Variants in PROSER3 observed in about 807,000 individuals in gnomAD.
PROSER3 encodes proline and serine-rich protein 3.
A neutral mutation model predicts 50.2 loss-of-function variants in PROSER3; 33 were observed. The ratio of observed to expected loss-of-function variants is 0.66; its 90% CI spans 0.50 to 0.88. PROSER3 has a LOEUF of 0.88. Among genes scored for constraint, PROSER3 ranks in the 40% least tolerant of loss-of-function variants. The pLI, the probability that PROSER3 is intolerant of heterozygous loss-of-function variation, is 0.00. For missense variants in PROSER3, 623 were observed against 612.7 expected, an observed-to-expected ratio of 1.02 and a Z score of -0.18; for synonymous variants, 266 against 259.3, an observed-to-expected ratio of 1.03 and a Z score of -0.25.
intron 5 of PROSER3, chr19:35,762,628 A>T: frequency 2.9e-6 from 1 of 347,098 alleles, no homozygotes; most frequent in East Asian, 5.8e-5. Flanking sequence ...TGAGAGCCTG[A>T]GGCTGGAGGA....
intron 5 of PROSER3, among the ~76,000 whole-genome samples, chr19:35,763,247 G>C (rs1270549986): frequency 6.6e-6 from 1 of 151,498 alleles, no homozygotes; most frequent in East Asian, 1.9e-4. Flanking sequence ...TGTCACCCAG[G>C]CTGGGGTACA....
At chr19:35,768,530 G>A in exon 11 of PROSER3, 5 of 1,595,464 alleles carry the variant, frequency 3.1e-6, no homozygotes, top group Middle Eastern at 3.3e-4. Flanking sequence ...ATTCCCTGGA[G>A]GCCAGAAGAC....
At chr19:35,767,660 C>A in intron 8 of PROSER3, 1 of 1,076,806 alleles carries the variant, frequency 9.3e-7, no homozygotes, top group Non-Finnish European at 1.3e-6. Flanking sequence ...AGTGGCAGCT[C>A]GGCTGTTCCC....
Position 35,768,388 on chromosome 19 carries a change from C to G in PROSER3, c.1302-16C>G, listed in dbSNP as rs768332673. On this transcript the variant is annotated splice_polypyrimidine_tract_variant and intron_variant, in intron 10 of 10. Transcript: ENST00000396908. ...GAGCACATACCCCAGCCTCTGCTCTCCCGGCCTTTCTCCAGGGAAGCGGAT... is the reference window on the plus strand; with the variant it reads ...GAGCACATACCCCAGCCTCTGCTCTGCCGGCCTTTCTCCAGGGAAGCGGAT... The G allele has an allele frequency of 1.7e-5, 27 of 1,593,354 alleles. No individual in the cohort carries two copies. The highest frequency in any genetic ancestry group is 2.3e-5 in the Non-Finnish European group (27 of 1,176,696).
intron 7 of PROSER3, among the ~76,000 whole-genome samples, chr19:35,766,494 G>A (rs565355234): frequency 3.9e-5 from 6 of 152,220 alleles, no homozygotes; most frequent in African/African-American, 1.2e-4. Flanking sequence ...TGCAGTGATC[G>A]CACCACTGCC....
At chr19:35,760,223 A>G (rs1970911417) in intron 3 of PROSER3, among the ~76,000 whole-genome samples, 1 of 151,718 alleles carries the variant, frequency 6.6e-6, no homozygotes, top group African/African-American at 2.4e-5. Context: ...TTATTTATTT[A>G]TTTATTTGTT....
At chr19:35,767,556 G>A (rs180701360) in intron 8 of PROSER3, 62 of 541,986 alleles carry the variant, frequency 1.1e-4, no homozygotes, top group African/African-American at 8.6e-4. Flanking sequence ...CCCAAGTCTC[G>A]GAGGAGCAGA....
chr19:35,764,972 G>A (rs374245202), intron 6 of PROSER3, 36 bp downstream of exon 6: 1 of 1,612,838 alleles, frequency 6.2e-7, no homozygotes, highest in African/African-American at 1.3e-5. Context: ...CCTTCCTACT[G>A]CGGCTCCACG....
chr19:35,768,295 CG>C, intron 10 of PROSER3, 59 bp downstream of exon 10: 1 of 1,584,082 alleles, frequency 6.3e-7, no homozygotes, highest in African/African-American at 1.3e-5. Context: ...CTCTGAGACC[CG>C]GTTAGGCATC....
chr19:35,768,620 G>A (rs1971255081), exon 11 of PROSER3: 1 of 1,492,298 alleles, frequency 6.7e-7, no homozygotes, highest in South Asian at 1.4e-5. Flanking sequence ...CTGTGAGAAA[G>A]GGGTTGTTTG....
rs763169049 is a variant in PROSER3, at chr19:35,768,208, C to T, written c.1273C>T (p.His425Tyr). The T allele has an allele frequency of 4.3e-6, 7 of 1,613,382 alleles. No individual in the cohort carries two copies. In the African/African-American group the frequency reaches 6.7e-5, roughly 15 times the overall value. ...TCCCGTGCTGCAGGTGCTAAGAGCC[C>T]ATAGGGCAGAGCTGAGTCGGCAGAA... Residue 425 changes from histidine (H) to tyrosine (Y), a missense_variant, in exon 10 of 11, where the codon CAT becomes TAT. By Grantham distance (83) the His-to-Tyr change is moderately conservative. Around this residue, in one of 3 missense-constraint regions of PROSER3, gnomAD observed 380 missense variants for 346.8 expected, o/e 1.10. Coordinates refer to ENST00000396908, the Ensembl canonical transcript of PROSER3.
chr19:35,759,371 C>A lies in PROSER3; in HGVS notation c.12-3C>A, dbSNP rs752123256. 21 of 1,612,766 alleles carry A rather than the reference C, an allele frequency of 1.3e-5. No individual in the cohort carries two copies. The highest frequency in any genetic ancestry group is 1.6e-5 in the Non-Finnish European group (19 of 1,179,458). ...CTGCCTGAACCCCACTTTCCTCTTG[C>A]AGCCTGCCAGTTTTCTCCATTCAAG... On this transcript the variant is annotated splice_polypyrimidine_tract_variant and splice_region_variant and intron_variant, in intron 1 of 10. Coordinates refer to ENST00000396908, the Ensembl canonical transcript of PROSER3.
chr19:35,767,020 G>C, intron 8 of PROSER3, 52 bp from the exon 9 acceptor site: 1 of 1,436,720 alleles, frequency 7.0e-7, no homozygotes, highest in Non-Finnish European at 9.3e-7. Context: ...GGGGGACTGA[G>C]GACCCTCCAC....
chr19:35,761,489 T>C lies in PROSER3; in HGVS notation c.312-530T>C, dbSNP rs532715932. On this transcript the variant is annotated intron_variant, in intron 3 of 10. Transcript: ENST00000396908. ...GAGTTTGAGACCAGCCTGACCAACA[T>C]GGTGAAACTCCGTCTCTACCAAATT... Among the ~76,000 whole-genome samples the C allele has an allele frequency of 1.1e-3, 174 of 152,190 alleles. 1 individual carries two copies. The highest frequency in any genetic ancestry group is 2.2e-3 in the Non-Finnish European group (147 of 68,002).
chr19:35,768,696 C>A, exon 11 of PROSER3: 2 of 882,342 alleles, frequency 2.3e-6, no homozygotes, highest in Non-Finnish European at 3.2e-6. Context: ...CATGGCTCTG[C>A]CCTGCCCCCC....
exon 9 of PROSER3, chr19:35,767,976 A>AGGCCCT (rs1195782585): frequency 1.9e-6 from 3 of 1,605,948 alleles, no homozygotes; most frequent in East Asian, 2.2e-5. Context: ...GGGTCTCCGG[A>AGGCCCT]GGCCCTGGCC....
At chr19:35,767,857 G>C in exon 9 of PROSER3, 2 of 1,612,604 alleles carry the variant, frequency 1.2e-6, no homozygotes, top group Non-Finnish European at 1.7e-6. Context: ...CAGTGATACG[G>C]AAGAGCGAAG....
At chr19:35,766,418 C>T (rs1262196082) in intron 7 of PROSER3, among the ~76,000 whole-genome samples, 2 of 152,086 alleles carry the variant, frequency 1.3e-5, no homozygotes, top group Admixed American at 6.6e-5. Flanking sequence ...TGGTGGCACA[C>T]GCCTTTTGTC....
At chr19:35,768,560 AT>A in exon 11 of PROSER3, 1 of 1,547,948 alleles carries the variant, frequency 6.5e-7, no homozygotes, top group Non-Finnish European at 8.6e-7. Context: ...TACAGATTCT[AT>A]TTTACCCAGT....
Sources: allele counts gnomAD v4.1 joint callset (sites outside exome capture counted in the v4.1 genomes callset), GRCh38; gene constraint gnomAD v4.1.1; regional missense constraint gnomAD v4.1.1; transcripts MANE v1.5; gene names NCBI Gene and HGNC (gene_info 2026-07-23, HGNC 2026-07-21).